Variants in TENM1 observed in about 807,000 individuals in gnomAD.
The protein encoded by TENM1 is teneurin transmembrane protein 1.
A neutral mutation model predicts 174.8 loss-of-function variants in TENM1; 35 were observed. The ratio of observed to expected loss-of-function variants is 0.20; its 90% CI spans 0.15 to 0.27. The LOEUF is 0.27. TENM1 is among the 10% of genes least tolerant of loss of function. The pLI is 1.00. For missense variants in TENM1, 1,633 were observed against 2,130.1 expected, an observed-to-expected ratio of 0.77 and a Z score of 4.59; for synonymous variants, 781 against 798.7, an observed-to-expected ratio of 0.98 and a Z score of 0.37.
chrX:124,551,476 C>T lies in TENM1; in HGVS notation c.2435-4386G>A, dbSNP rs773893243. Among the ~76,000 whole-genome samples the T allele has an allele frequency of 3.6e-5, 4 of 109,641 alleles. No individual in the cohort carries two copies. In the Admixed American group the frequency reaches 3.9e-4, roughly 11 times the overall value. ...TAATAATGAGGTATTGTGCAGTTAA[C>T]AATTTTTTAAGAGGGTAGACCTCAT... On this transcript the variant is annotated intron_variant, in intron 14 of 31. Transcript: ENST00000422452.
chrX:124,898,435 T>C (rs530952844), intron 1 of TENM1, among the ~76,000 whole-genome samples: 1 of 110,874 alleles, frequency 9.0e-6, no homozygotes, highest in East Asian at 2.8e-4. Flanking sequence ...GTTTTTGCTC[T>C]GAATTGCTGT....
the TENM1 span, among the ~76,000 whole-genome samples, chrX:125,059,829 C>G: frequency 2.7e-5 from 3 of 110,729 alleles, no homozygotes; most frequent in Non-Finnish European, 5.7e-5. Flanking sequence ...TGTGAATAGG[C>G]CTGGAGGACA....
chrX:124,873,495 G>A (rs1021926762), intron 3 of TENM1, among the ~76,000 whole-genome samples: 1 of 111,742 alleles, frequency 8.9e-6, no homozygotes, highest in African/African-American at 3.2e-5. Flanking sequence ...AAATGGAATC[G>A]AATAGAAGAG....
the TENM1 span, among the ~76,000 whole-genome samples, chrX:125,151,341 G>A: frequency 4.5e-5 from 5 of 112,189 alleles, no homozygotes; most frequent in African/African-American, 1.6e-4. Flanking sequence ...TAAAAATAAT[G>A]GCAAGTCAGC....
intron 25 of TENM1, among the ~76,000 whole-genome samples, chrX:124,410,264 T>TG (rs780687120): frequency 1.1e-4 from 12 of 111,830 alleles, no homozygotes; most frequent in Non-Finnish European, 2.3e-4. Context: ...AAACAAGAAA[T>TG]GGGGAAAGGA....
intron 11 of TENM1, among the ~76,000 whole-genome samples, chrX:124,589,352 T>TTTGTTGTTG (rs200125468): frequency 1.5e-3 from 155 of 104,765 alleles, no homozygotes; most frequent in African/African-American, 4.7e-3. Flanking sequence ...TGGCCTGTAG[T>TTTGTTGTTG]TTGTTGTTGT....
the TENM1 span, among the ~76,000 whole-genome samples, chrX:125,064,684 G>A: frequency 7.3e-3 from 800 of 110,285 alleles, 3 homozygotes; most frequent in Non-Finnish European, 0.013. Context: ...TTTTTTTTCT[G>A]CAAGCTCCGC....
At chrX:124,666,130 T>C (rs970315333) in intron 6 of TENM1, among the ~76,000 whole-genome samples, 1 of 111,920 alleles carries the variant, frequency 8.9e-6, no homozygotes, top group African/African-American at 3.3e-5. Context: ...AACGTCATTT[T>C]TTTTCAACTT....
intron 1 of TENM1, among the ~76,000 whole-genome samples, chrX:124,958,286 T>C (rs1013571187): frequency 8.9e-6 from 1 of 111,968 alleles, no homozygotes; most frequent in African/African-American, 3.2e-5. Context: ...AATATGAACA[T>C]ATCTTCAGCT....
intron 3 of TENM1, among the ~76,000 whole-genome samples, chrX:124,777,706 C>T (rs1483436668): frequency 8.9e-6 from 1 of 112,282 alleles, no homozygotes; most frequent in Non-Finnish European, 1.9e-5. Flanking sequence ...CAATACCTTT[C>T]CTGATGATAA....
chrX:124,529,622 T>TA (rs1222278840), intron 16 of TENM1, among the ~76,000 whole-genome samples: 14 of 112,048 alleles, frequency 1.2e-4, no homozygotes, highest in Non-Finnish European at 2.4e-4. Context: ...TAGATGGAAT[T>TA]AGATAAAGGA....
At chrX:124,851,124 T>C (rs910118211) in intron 3 of TENM1, among the ~76,000 whole-genome samples, 1 of 111,978 alleles carries the variant, frequency 8.9e-6, no homozygotes, top group African/African-American at 3.2e-5. Flanking sequence ...ATCAAAGTTT[T>C]ATCCCATCTA....
Position 124,811,582 on chromosome X carries a change from C to G in TENM1, c.536-74385G>C, listed in dbSNP as rs2055775124. Among the ~76,000 whole-genome samples the G allele has an allele frequency of 2.7e-5, 3 of 111,466 alleles. No individual in the cohort carries two copies. The South Asian group carries it at 1.1e-3, about 42-fold the overall frequency. On this transcript the variant is annotated intron_variant, in intron 3 of 31. Transcript: ENST00000422452. ...CTATTGGTGTGAATGCAAATTAGTA[C>G]AGTCATTATGAAAACCAGTATGGAG...
intron 10 of TENM1, 93 bp downstream of exon 13, chrX:124,645,050 G>A (rs1307058768): frequency 5.5e-6 from 5 of 906,203 alleles, no homozygotes; most frequent in Non-Finnish European, 7.8e-6. Context: ...GTTTGCAAAG[G>A]CCACTTGCAT....
At chrX:124,603,095 T>C (rs1216876975) in intron 11 of TENM1, among the ~76,000 whole-genome samples, 1 of 102 alleles carries the variant, frequency 9.8e-3, no homozygotes. Flanking sequence ...CACCTGAAGC[T>C]GGAGAAGGCA....
At chrX:125,056,630 G>T in the TENM1 span, among the ~76,000 whole-genome samples, 1 of 111,010 alleles carries the variant, frequency 9.0e-6, no homozygotes, top group Admixed American at 9.7e-5. Context: ...TCTTAGGCCT[G>T]TAGGGAGAAG....
chrX:124,544,185 A>G (rs1315597413), intron 15 of TENM1, among the ~76,000 whole-genome samples: 5 of 112,810 alleles, frequency 4.4e-5, no homozygotes, highest in African/African-American at 1.6e-4. Flanking sequence ...GATCTGCCTG[A>G]GGAGAGCAAT....
the TENM1 span, among the ~76,000 whole-genome samples, chrX:125,021,063 T>C: frequency 2.7e-5 from 3 of 110,688 alleles, no homozygotes; most frequent in Admixed American, 9.6e-5. Context: ...TGACTAGTTG[T>C]TAATACTGGT....
intron 11 of TENM1, among the ~76,000 whole-genome samples, chrX:124,630,485 A>T (rs2050732123): frequency 8.9e-6 from 1 of 112,260 alleles, no homozygotes; most frequent in Non-Finnish European, 1.9e-5. Context: ...CTGGAACTTA[A>T]GTTGTTTTAT....
Sources: gnomAD v4.1 joint callset for allele counts (sites outside exome capture counted in the v4.1 genomes callset) on GRCh38, gnomAD v4.1.1 for gene constraint, MANE v1.5 for transcripts, NCBI Gene and HGNC (gene_info 2026-07-23, HGNC 2026-07-21) for gene names.